AFF4: variants seen among roughly 807,000 people sequenced by gnomAD.
AFF4 encodes the protein ALF transcription elongation factor 4, also known as AF4/FMR2 family member 4.
A neutral mutation model predicts 124.8 loss-of-function variants in AFF4; 13 were observed. The ratio of observed to expected loss-of-function variants is 0.10; its 90% CI spans 0.07 to 0.17. AFF4 has a LOEUF of 0.17. Among genes scored for constraint, AFF4 ranks in the 10% least tolerant of loss-of-function variants. The pLI is 1.00. For missense variants in AFF4, 1,092 were observed against 1,403.8 expected, an observed-to-expected ratio of 0.78 and a Z score of 3.55; for synonymous variants, 477 against 496.1, an observed-to-expected ratio of 0.96 and a Z score of 0.51.
At position 132,896,623 on chromosome 5, in the gene AFF4, G is replaced by A. The variant is rs739863; in HGVS notation, c.2007C>T (p.Pro669=). The A allele has an allele frequency of 0.15, 247,801 of 1,613,896 alleles. 20,137 individuals are homozygous for A. The highest frequency in any genetic ancestry group is 0.19 in the South Asian group (17,613 of 91,076). Residue 669 remains proline (P), a synonymous_variant, in exon 11 of 21, where the codon CCC becomes CCT. Coordinates refer to ENST00000265343, the MANE Select transcript of AFF4 (RefSeq NM_014423.4). ...GTTTAACAGGAGTCCTATTGCTCTCGGGGTACTTAGGAGTTTGTGAGGAAG... is the reference window on the plus strand; with the variant it reads ...GTTTAACAGGAGTCCTATTGCTCTCAGGGTACTTAGGAGTTTGTGAGGAAG... ...LPPSSQTPKY[P]ESNRTPVKPS...
intron 1 of AFF4, among the ~76,000 whole-genome samples, chr5:132,954,701 C>A (rs1208548548): frequency 6.6e-6 from 1 of 151,782 alleles, no homozygotes; most frequent in African/African-American, 2.4e-5. Context: ...GCGCCCGCCA[C>A]TACGCCTGGC....
chr5:132,888,840 G>C (rs1760183857), intron 14 of AFF4, among the ~76,000 whole-genome samples: 1 of 151,950 alleles, frequency 6.6e-6, no homozygotes, highest in Non-Finnish European at 1.5e-5. Flanking sequence ...TGCGATTACA[G>C]GTGTGTACCA....
Position 132,875,786 on chromosome 5 carries a change from C to T in AFF4, c.*5273G>A. On this transcript the variant is annotated 3_prime_UTR_variant, in exon 21 of 21. Transcript: ENST00000265343. ...AATGTATTGCAACAAATAAAAATCA[C>T]AGTATATAATTGAAATTCTGGTTGA... 1 of 209,488 alleles carries T rather than the reference C, an allele frequency of 4.8e-6. No individual in the cohort carries two copies. Among genetic ancestry groups the T allele is most frequent in the Admixed American group, 5.9e-5 (1 of 16,950 alleles). 13.0% of individuals were successfully genotyped at this position (209,488 alleles called of 1,614,324 possible). A position where few individuals can be genotyped will look rare whatever the true frequency, so the allele number is the denominator to read the frequency against.
chr5:132,899,493 T>C, intron 8 of AFF4, 94 bp downstream of exon 8: 2 of 1,138,332 alleles, frequency 1.8e-6, no homozygotes, highest in South Asian at 1.8e-5. Context: ...AGAAACTTAT[T>C]TTAAGTAATA....
At chr5:132,943,644 T>C in intron 1 of AFF4, 1 of 222,824 alleles carries the variant, frequency 4.5e-6, no homozygotes, top group Non-Finnish European at 1.0e-5. Flanking sequence ...ACCATGAAGC[T>C]TTGAGTGAAG....
chr5:132,878,429 A>G lies in AFF4; in HGVS notation c.*2630T>C, dbSNP rs1252571719. 1 of 231,584 alleles carries G rather than the reference A, an allele frequency of 4.3e-6. No homozygotes were observed. Among genetic ancestry groups the G allele is most frequent in the Non-Finnish European group, 8.6e-6 (1 of 116,764 alleles). The allele number at this position is 231,584 out of a possible 1,614,324, so 14.3% of individuals were successfully genotyped here. A position where few individuals can be genotyped will look rare whatever the true frequency, so the allele number is the denominator to read the frequency against. On this transcript the variant is annotated 3_prime_UTR_variant, in exon 21 of 21. Transcript: ENST00000265343. ...CAGACTAAGTTTTTAGCCACTTGTC[A>G]AATTCAGTTTTAAATGCTTAGAAAA...
chr5:132,909,856 T>C (rs1241554687), intron 5 of AFF4, among the ~76,000 whole-genome samples: 1 of 152,176 alleles, frequency 6.6e-6, no homozygotes, highest in Non-Finnish European at 1.5e-5. Flanking sequence ...AAGCAGCTAC[T>C]GTATCAACAG....
chr5:132,944,708 C>A (rs1383202711), intron 1 of AFF4, among the ~76,000 whole-genome samples: 1 of 151,744 alleles, frequency 6.6e-6, no homozygotes, highest in East Asian at 1.9e-4. Context: ...GGCAGGCGGA[C>A]AACCTGAGGT....
Position 132,904,368 on chromosome 5 carries a change from T to G in AFF4, c.1087A>C (p.Lys363Gln), listed in dbSNP as rs1292065503. The change falls in exon 6 of 21, where the codon AAA becomes CAA. Residue 363 changes from lysine to glutamine, a missense_variant and splice_region_variant. Around this residue, in one of 11 missense-constraint regions of AFF4, gnomAD observed 148 missense variants for 196.3 expected, o/e 0.75. Coordinates refer to ENST00000265343, the MANE Select transcript of AFF4 (RefSeq NM_014423.4). ...QQSNFGTGEQ[K>Q]RYNPSKTSNG... Reference sequence around the variant, plus strand: ...AACAAAGAGGGAAAGAAATACTCACTTTGTTCTCCAGTGCCAAAATTGGAC... The same window carrying G: ...AACAAAGAGGGAAAGAAATACTCACGTTGTTCTCCAGTGCCAAAATTGGAC... 1.9e-6 allele frequency: 3 copies of G among 1,611,108 alleles called. No homozygotes were observed. In the East Asian group the frequency reaches 6.7e-5, roughly 36 times the overall value.
rs1382102769 is a variant in AFF4 at position 132,899,314 on chromosome 5, T to TC, written c.1189-174dup. ...GAGTAACTGAATTGCCAGAATAAGA[T>TC]CAAAAGCTTTGTTAATAGTTATTAT... On this transcript the variant is annotated intron_variant, in intron 8 of 20. Transcript: ENST00000265343. Among the ~76,000 whole-genome samples the TC allele has an allele frequency of 3.9e-5, 6 of 152,276 alleles. No individual in the cohort carries two copies. The East Asian group carries it at 1.2e-3, about 29-fold the overall frequency.
chr5:132,914,425 A>AC (rs1435728345), intron 5 of AFF4, among the ~76,000 whole-genome samples: 1 of 151,648 alleles, frequency 6.6e-6, no homozygotes, highest in Non-Finnish European at 1.5e-5. Context: ...ACATGGTGAA[A>AC]CCCCGTCTCT....
Position 132,892,291 on chromosome 5 carries a change from T to C in AFF4, c.2510A>G (p.Gln837Arg). ...ACTGCTTGACTTTAAGGAAGAAGACTGACTAATAGTCCTCTTCCGAGAGCC... is the reference window on the plus strand; with the variant it reads ...ACTGCTTGACTTTAAGGAAGAAGACCGACTAATAGTCCTCTTCCGAGAGCC... ...EHGSRKRTIS[Q>R]SSSLKSSSNS... is the part of the protein sequence containing the mutation. The change falls in exon 13 of 21, where the codon CAG (glutamine) becomes CGG (arginine). Residue 837 changes from glutamine (Q) to arginine (R), a missense_variant. Gln to Arg is a conservative substitution (Grantham distance 43). This residue lies in a region of AFF4 where 293 missense variants were observed against 280.2 expected (regional missense o/e 1.05). Coordinates refer to ENST00000265343, the MANE Select transcript of AFF4 (RefSeq NM_014423.4). 1 of 1,614,156 alleles carries C rather than the reference T, an allele frequency of 6.2e-7. No homozygotes were observed.
At position 132,963,395 on chromosome 5, in the gene AFF4, G is replaced by A. The variant is rs970574967; in HGVS notation, c.-141C>T. The A allele has an allele frequency of 9.8e-5, 39 of 398,036 alleles. No individual in the cohort carries two copies. The highest frequency in any genetic ancestry group is 7.8e-4 in the African/African-American group (38 of 48,608). 24.7% of individuals were successfully genotyped at this position (398,036 alleles called of 1,614,324 possible). On this transcript the variant is annotated 5_prime_UTR_variant, in exon 1 of 21. Coordinates refer to ENST00000265343, the MANE Select transcript of AFF4 (RefSeq NM_014423.4). ...GGCTGCCAAGGGCGAGGGGCTCCGG[G>A]AGGCGGCGGGGGTTCCGGAGGCCTC...
intron 5 of AFF4, chr5:132,926,367 G>T (rs375916459): frequency 3.9e-6 from 1 of 253,920 alleles, no homozygotes; most frequent in African/African-American, 2.2e-5. Flanking sequence ...TTAAAAAAAA[G>T]TCAATCTGCT....
chr5:132,876,199 A>ACCCCCC lies in AFF4; in HGVS notation c.*4859_*4860insGGGGGG. ...GGCCAGTTCTGTTGGTGAGCCCCCT[A>ACCCCCC]CCCCCACCCCACCCATCCCAGTACT... is the stretch of plus-strand genomic sequence containing the variant. On this transcript the variant is annotated 3_prime_UTR_variant, in exon 21 of 21. Coordinates refer to ENST00000265343, the MANE Select transcript of AFF4 (RefSeq NM_014423.4). The ACCCCCC allele has an allele frequency of 4.7e-6, 1 of 212,894 alleles. No homozygotes were observed. The highest frequency in any genetic ancestry group is 9.5e-6 in the Non-Finnish European group (1 of 105,638). The allele number at this position is 212,894 out of a possible 1,614,324, so 13.2% of individuals were successfully genotyped here. A position where few individuals can be genotyped will look rare whatever the true frequency, so the allele number is the denominator to read the frequency against.
In AFF4 at chr5:132,896,810, C is replaced by G; in HGVS notation, c.1820G>C (p.Gly607Ala). The change falls in exon 11 of 21, where the codon GGC (glycine) becomes GCC (alanine). Residue 607 changes from glycine (G) to alanine (A), a missense_variant. Transcript: ENST00000265343. The stretch of plus-strand genomic sequence containing the variant: ...CTTCTTTATATTGGGTTTCCTTGAG[C>G]CTTTGGTGGCTGCTTTGTGTCTGCT... The part of the protein sequence containing the change: ...PSSRHKAATK[G>A]SRKPNIKKES... The G allele has an allele frequency of 6.2e-7, 1 of 1,614,040 alleles. No individual in the cohort carries two copies. Among genetic ancestry groups the G allele is most frequent in the Non-Finnish European group, 8.5e-7 (1 of 1,180,008 alleles).
Position 132,934,029 on chromosome 5 carries a change from A to T in AFF4, c.918+118T>A, listed in dbSNP as rs529208500. 3.2e-5 allele frequency: 38 copies of T among 1,194,482 alleles called. No individual in the cohort carries two copies. In the African/African-American group the frequency reaches 5.7e-4, roughly 18 times the overall value. The allele number at this position is 1,194,482 out of a possible 1,614,324, so 74.0% of individuals were successfully genotyped here. On this transcript the variant is annotated intron_variant, in intron 3 of 20. Transcript: ENST00000265343. The stretch of plus-strand genomic sequence containing the variant: ...GTCTTTACATTTTTTTCATCTTTCA[A>T]CTTTTACATTCCTTACTATTAAGGC...
rs193148917 is a variant in AFF4, at chr5:132,907,259, G to T, written c.1051-2855C>A. On this transcript the variant is annotated intron_variant, in intron 5 of 20. Transcript: ENST00000265343. ...AGCTATAGCCTCCCTTCTACAGCCTGTAGAAGTTTACCCTTCTACAGCCCA... is the reference window on the plus strand; with the variant it reads ...AGCTATAGCCTCCCTTCTACAGCCTTTAGAAGTTTACCCTTCTACAGCCCA... Among the ~76,000 whole-genome samples the T allele has an allele frequency of 5.3e-5, 8 of 152,148 alleles. No homozygotes were observed. The East Asian group carries it at 1.5e-3, about 29-fold the overall frequency.
In AFF4 at chr5:132,875,404, G is replaced by T. The variant is rs1456181737; in HGVS notation, c.*5655C>A. 5.6e-6 allele frequency: 1 copy of T among 177,904 alleles called. No individual in the cohort carries two copies. Among genetic ancestry groups the T allele is most frequent in the African/African-American group, 2.4e-5 (1 of 42,246 alleles). 11.0% of individuals were successfully genotyped at this position (177,904 alleles called of 1,614,324 possible). On this transcript the variant is annotated 3_prime_UTR_variant, in exon 21 of 21. Coordinates refer to ENST00000265343, the MANE Select transcript of AFF4 (RefSeq NM_014423.4). ...TACAGTGTTCAGTAACTTTAATACA[G>T]AAAATCTATTTGATATTTATTAAAC...
Sources: allele counts gnomAD v4.1 joint callset (sites outside exome capture counted in the v4.1 genomes callset), GRCh38; gene constraint gnomAD v4.1.1; regional missense constraint gnomAD v4.1.1; transcripts MANE v1.5; gene names NCBI Gene and HGNC (gene_info 2026-07-23, HGNC 2026-07-21).